ITPKC: variants seen among roughly 807,000 people sequenced by gnomAD.
ITPKC encodes inositol-trisphosphate 3-kinase C, also known as IP3 3-kinase C.
In ITPKC, 33 loss-of-function variants were observed where a neutral mutation model predicts 67.1. The ratio of observed to expected loss-of-function variants is 0.49; its 90% CI spans 0.37 to 0.66. The LOEUF is 0.66. Ranked by LOEUF, ITPKC falls within the 30% of genes least tolerant of loss-of-function variation. The pLI is 0.00. For missense variants in ITPKC, 820 were observed against 892.1 expected, an observed-to-expected ratio of 0.92 and a Z score of 1.03; for synonymous variants, 341 against 359.8, an observed-to-expected ratio of 0.95 and a Z score of 0.59.
intron 4 of ITPKC, among the ~76,000 whole-genome samples, chr19:40,736,513 G>GA (rs1555763803): frequency 1.3e-5 from 2 of 151,370 alleles, no homozygotes; most frequent in East Asian, 3.9e-4. Context: ...CTGGGAAGTT[G>GA]TTTTTTTTGA....
At position 40,725,425 on chromosome 19, in the gene ITPKC, T is replaced by C; in HGVS notation, c.1241T>C (p.Leu414Pro). 6.2e-7 allele frequency: 1 copy of C among 1,607,146 alleles called. No homozygotes were observed. Among genetic ancestry groups the C allele is most frequent in the East Asian group, 2.2e-5 (1 of 44,848 alleles). Residue 414 changes from leucine (L) to proline (P), a missense_variant, in exon 2 of 7, where the codon CTT becomes CCT. Leu to Pro is a moderately conservative substitution (Grantham distance 98). Around this residue, in one of 2 missense-constraint regions of ITPKC, gnomAD observed 339 missense variants for 422.0 expected, o/e 0.80. Coordinates refer to ENST00000263370, the MANE Select transcript of ITPKC (RefSeq NM_025194.3). ...SFRKHYPWVQ[L>P]SGHAGNFQAG... Reference sequence around the variant, plus strand: ...CGAAAACACTACCCTTGGGTCCAGCTTTCTGGACATGCTGGTAAGTGGGGT... The same window carrying C: ...CGAAAACACTACCCTTGGGTCCAGCCTTCTGGACATGCTGGTAAGTGGGGT...
chr19:40,721,398 T>G, intron 1 of ITPKC, among the ~76,000 whole-genome samples: 1 of 149,720 alleles, frequency 6.7e-6, no homozygotes, highest in Admixed American at 6.7e-5. Flanking sequence ...CAGTGCGGAG[T>G]TTCACTCTGT....
intron 4 of ITPKC, among the ~76,000 whole-genome samples, chr19:40,734,785 T>TG (rs1333247172): frequency 3.7e-4 from 55 of 149,692 alleles, no homozygotes; most frequent in Admixed American, 2.4e-3. Flanking sequence ...ATTGTTGTTT[T>TG]TTTTTTTTTT....
At chr19:40,728,289 G>T (rs115727542) in intron 2 of ITPKC, among the ~76,000 whole-genome samples, 1,809 of 152,110 alleles carry the variant, frequency 0.012, 44 homozygotes, top group African/African-American at 0.042. Context: ...GGTGGTTGAG[G>T]TGGGAGGATC....
intron 4 of ITPKC, 113 bp downstream of exon 4, chr19:40,733,477 C>A: frequency 1.0e-6 from 1 of 972,172 alleles, no homozygotes. Context: ...GGATGAAAGG[C>A]TGGGGCTGGG....
chr19:40,732,695 G>C (rs1460570343), intron 3 of ITPKC, among the ~76,000 whole-genome samples: 1 of 152,096 alleles, frequency 6.6e-6, no homozygotes, highest in Non-Finnish European at 1.5e-5. Flanking sequence ...GCCTCCCAAA[G>C]TGTTGGGGTT....
chr19:40,718,251 CG>C lies in ITPKC; in HGVS notation c.1121del (p.Gly374AlafsTer19). 2.0e-6 allele frequency: 3 copies of C among 1,522,530 alleles called. No individual in the cohort carries two copies. Among genetic ancestry groups the C allele is most frequent in the African/African-American group, 1.4e-5 (1 of 72,188 alleles). The allele number at this position is 1,522,530 out of a possible 1,614,324, so 94.3% of individuals were successfully genotyped here. ...FDESEDDVVA[G>X]GGGASDPEDR... ...ACGAGTCTGAGGATGACGTGGTGGCCGGGGGCGGAGGTGCCAGCGATCCCGA... is the reference window on the plus strand; with the variant it reads ...ACGAGTCTGAGGATGACGTGGTGGCCGGGGCGGAGGTGCCAGCGATCCCGA... On this transcript the variant is annotated frameshift_variant, in exon 1 of 7. Coordinates refer to ENST00000263370, the MANE Select transcript of ITPKC (RefSeq NM_025194.3). LOFTEE classifies it high-confidence loss of function.
At position 40,733,210 on chromosome 19, in the gene ITPKC, G is replaced by A. The variant is rs534851140; in HGVS notation, c.1520G>A (p.Arg507Gln). 2 of 1,614,070 alleles carry A rather than the reference G, an allele frequency of 1.2e-6. No homozygotes were observed. Among genetic ancestry groups the A allele is most frequent in the Non-Finnish European group, 1.7e-6 (2 of 1,180,024 alleles). ...AAGGCACGGGAACGTCCCCGTCCCCGGAAGGACATGTATGAGAAGATGGTG... is the reference window on the plus strand; with the variant it reads ...AAGGCACGGGAACGTCCCCGTCCCCAGAAGGACATGTATGAGAAGATGGTG... The part of the protein sequence containing the change: ...LVKARERPRP[R>Q]KDMYEKMVAV... Residue 507 changes from arginine to glutamine, a missense_variant, in exon 4 of 7, where the codon CGG (arginine) becomes CAG (glutamine). Coordinates refer to ENST00000263370, the MANE Select transcript of ITPKC (RefSeq NM_025194.3).
rs754452479 is a variant in ITPKC at position 40,718,004 on chromosome 19, G to A, written c.869G>A (p.Gly290Glu). 14 of 1,614,048 alleles carry A rather than the reference G, an allele frequency of 8.7e-6. No individual in the cohort carries two copies. The highest frequency in any genetic ancestry group is 1.2e-5 in the Non-Finnish European group (14 of 1,180,030). ...PSTDGSQTAP[G>E]TDCLLGEPED... is the part of the protein sequence containing the mutation. ...ACTGACGGTTCCCAGACAGCACCTGGGACAGACTGCCTCTTGGGAGAGCCT... is the reference window on the plus strand; with the variant it reads ...ACTGACGGTTCCCAGACAGCACCTGAGACAGACTGCCTCTTGGGAGAGCCT... Residue 290 changes from glycine (G) to glutamate (E), a missense_variant, in exon 1 of 7, where the codon GGG becomes GAG. Gly to Glu is a moderately conservative substitution (Grantham distance 98). Around this residue, in one of 2 missense-constraint regions of ITPKC, gnomAD observed 481 missense variants for 470.1 expected, o/e 1.02. Transcript: ENST00000263370.
At chr19:40,725,516 C>CCCCCACCTAGTGATGGGCTTGGTGACAGT (rs1568448997) in intron 2 of ITPKC, 77 bp downstream of exon 2, 2 of 991,418 alleles carry the variant, frequency 2.0e-6, no homozygotes, top group African/African-American at 1.6e-5. Context: ...TAGTTTAGTT[C>CCCCCACCTAGTGATGGGCTTGGTGACAGT]CCCCACCTAG....
chr19:40,731,595 GTTTTTTTTTTTTTTT>G (rs776003885), intron 3 of ITPKC, among the ~76,000 whole-genome samples: 21 of 81,084 alleles, frequency 2.6e-4, no homozygotes, highest in African/African-American at 1.0e-3. Flanking sequence ...CCAATCCTTG[GTTTTTTTTTTTTTTT>G]TTTTTTTTTT....
chr19:40,718,569 C>A (rs927796851), intron 1 of ITPKC, among the ~76,000 whole-genome samples: 1 of 152,260 alleles, frequency 6.6e-6, no homozygotes, highest in Middle Eastern at 3.4e-3. Flanking sequence ...GGCCCAGGAA[C>A]CCCTGAAATT....
rs148944714 is a variant in ITPKC, at chr19:40,719,469, C to T, written c.1155+1179C>T. 2.6e-3 allele frequency among the ~76,000 whole-genome samples: 392 copies of T among 152,004 alleles called. 1 individual carries two copies. Among genetic ancestry groups the T allele is most frequent in the African/African-American group, 9.2e-3 (382 of 41,450 alleles). ...TGCTTTTATTAACTCACTCACTCCT[C>T]GCAGCAACCCTAATGAGGTAGATAC... On this transcript the variant is annotated intron_variant, in intron 1 of 6. Transcript: ENST00000263370.
At chr19:40,723,474 T>C (rs569276485) in intron 1 of ITPKC, among the ~76,000 whole-genome samples, 6 of 150,412 alleles carry the variant, frequency 4.0e-5, no homozygotes, top group Admixed American at 3.4e-4. Flanking sequence ...TGTATCTCTC[T>C]CTTTTAGTCT....
Position 40,739,910 on chromosome 19 carries a change from T to C in ITPKC, c.*350T>C. On this transcript the variant is annotated 3_prime_UTR_variant, in exon 7 of 7. Coordinates refer to ENST00000263370, the MANE Select transcript of ITPKC (RefSeq NM_025194.3). ...ACAGGGTATGGTGTGACAGGGTGCC[T>C]GTGGACACATGAATCACTTCTAACC... 3.5e-6 allele frequency: 1 copy of C among 283,650 alleles called. No individual in the cohort carries two copies. Among genetic ancestry groups the C allele is most frequent in the Non-Finnish European group, 6.8e-6 (1 of 147,648 alleles). The allele number at this position is 283,650 out of a possible 1,614,324, so 17.6% of individuals were successfully genotyped here. A position where few individuals can be genotyped will look rare whatever the true frequency, so the allele number is the denominator to read the frequency against.
intron 6 of ITPKC, among the ~76,000 whole-genome samples, chr19:40,738,982 G>A (rs2607420): frequency 0.75 from 114,789 of 152,122 alleles, 43,466 homozygotes; most frequent in African/African-American, 0.8. Context: ...GGGACGAAGC[G>A]GGATGGCACG....
chr19:40,739,447 G>A lies in ITPKC; in HGVS notation c.1939G>A (p.Asp647Asn), dbSNP rs747205840. ...CTTCGGCAAGACGGTGGCCTTGCCC[G>A]ACCACCAGACGCTCAGCCACAGGCT... Reference protein sequence around the residue: ...IDFGKTVALPDHQTLSHRLPW... With the variant: ...IDFGKTVALPNHQTLSHRLPW... Residue 647 changes from aspartate (D) to asparagine (N), a missense_variant, in exon 7 of 7, where the codon GAC (aspartate) becomes AAC (asparagine). Asp to Asn is a conservative substitution (Grantham distance 23, BLOSUM62 1). Transcript: ENST00000263370. The A allele has an allele frequency of 9.9e-6, 16 of 1,613,422 alleles. No homozygotes were observed. The highest frequency in any genetic ancestry group is 3.3e-4 in the Middle Eastern group (2 of 6,084).
At chr19:40,733,495 A>G (rs1203744177) in intron 4 of ITPKC, 131 bp downstream of exon 4, 15 of 808,942 alleles carry the variant, frequency 1.9e-5, no homozygotes, top group Non-Finnish European at 2.3e-5. Context: ...GGGGAAGCCC[A>G]GCCTCTTTCT....
chr19:40,738,866 CTG>C (rs140486894), intron 6 of ITPKC, among the ~76,000 whole-genome samples: 24 of 152,226 alleles, frequency 1.6e-4, no homozygotes, highest in Admixed American at 1.0e-3. Flanking sequence ...GAACTATAGA[CTG>C]TGTTTTCTCG....
Sources: allele counts gnomAD v4.1 joint callset (sites outside exome capture counted in the v4.1 genomes callset), GRCh38; gene constraint gnomAD v4.1.1; regional missense constraint gnomAD v4.1.1; transcripts MANE v1.5; gene names NCBI Gene and HGNC (gene_info 2026-07-23, HGNC 2026-07-21).